Variants in WWOX observed in about 807,000 individuals in gnomAD.
WWOX encodes the protein WW domain-containing oxidoreductase.
A neutral mutation model predicts 46.2 loss-of-function variants in WWOX; 69 were observed. The observed-to-expected ratio is 1.49, with a 90% CI of 1.23 to 1.82. The LOEUF is 1.82. Among genes scored for constraint, WWOX ranks in the 40% most tolerant of loss-of-function variants. The pLI is 0.00. For synonymous variants in WWOX, 359 were observed against 202.6 expected (o/e 1.77, Z -6.56); for missense variants, 919 against 542.6 (o/e 1.69, Z -6.89).
intron 8 of WWOX, among the ~76,000 whole-genome samples, chr16:78,936,249 G>C (rs763935022): frequency 2.6e-5 from 4 of 152,182 alleles, no homozygotes; most frequent in Non-Finnish European, 4.4e-5. Context: ...TATGCCCTCT[G>C]TACCTTTGAC....
At chr16:79,198,471 G>C (rs929481047) in intron 8 of WWOX, among the ~76,000 whole-genome samples, 7 of 152,150 alleles carry the variant, frequency 4.6e-5, no homozygotes, top group African/African-American at 1.4e-4. Context: ...TTTTCCCATG[G>C]GCAATTAAAG....
chr16:78,939,710 C>A (rs914130711), intron 8 of WWOX, among the ~76,000 whole-genome samples: 2 of 152,142 alleles, frequency 1.3e-5, no homozygotes, highest in African/African-American at 4.8e-5. Context: ...TTGTAGGTAC[C>A]CAAGTCTACT....
chr16:79,027,778 C>T (rs547729071), intron 8 of WWOX, among the ~76,000 whole-genome samples: 2 of 151,568 alleles, frequency 1.3e-5, no homozygotes, highest in East Asian at 3.9e-4. Flanking sequence ...ATATAGATGT[C>T]TCTTGATATA....
intron 8 of WWOX, among the ~76,000 whole-genome samples, chr16:78,638,133 C>G (rs2046618939): frequency 6.6e-6 from 1 of 152,194 alleles, no homozygotes; most frequent in South Asian, 2.1e-4. Flanking sequence ...ATATCAGGCA[C>G]TACCCTCAAC....
chr16:79,170,649 T>A (rs574405520), intron 8 of WWOX, among the ~76,000 whole-genome samples: 60 of 147,924 alleles, frequency 4.1e-4, no homozygotes, highest in African/African-American at 1.4e-3. Flanking sequence ...GAACTCACTT[T>A]CACAGTCAAG....
intron 8 of WWOX, among the ~76,000 whole-genome samples, chr16:78,733,464 C>T (rs961443990): frequency 6.6e-6 from 1 of 150,456 alleles, no homozygotes; most frequent in African/African-American, 2.4e-5. Flanking sequence ...CAAAAAATAA[C>T]TGGCTGGGCA....
At chr16:78,637,373 A>G (rs1356456386) in intron 8 of WWOX, among the ~76,000 whole-genome samples, 1 of 151,942 alleles carries the variant, frequency 6.6e-6, no homozygotes, top group African/African-American at 2.4e-5. Context: ...CCCAGGAGGC[A>G]GAGGTTGCAG....
chr16:78,373,547 T>C (rs2081745882), intron 5 of WWOX, among the ~76,000 whole-genome samples: 1 of 152,164 alleles, frequency 6.6e-6, no homozygotes, highest in African/African-American at 2.4e-5. Context: ...AGTCAACCTC[T>C]TTTTCCTATG....
intron 6 of WWOX, among the ~76,000 whole-genome samples, chr16:78,387,542 C>T (rs1308433843): frequency 1.3e-5 from 2 of 151,954 alleles, no homozygotes; most frequent in East Asian, 3.9e-4. Flanking sequence ...TGCTAGCATC[C>T]CTTTCTAACA....
intron 8 of WWOX, among the ~76,000 whole-genome samples, chr16:78,914,711 C>G (rs759423475): frequency 3.3e-5 from 5 of 151,016 alleles, no homozygotes; most frequent in African/African-American, 4.8e-5. Context: ...AACCCCGTCT[C>G]TACTAAAAAT....
intron 8 of WWOX, among the ~76,000 whole-genome samples, chr16:78,821,508 C>T (rs1285843515): frequency 6.6e-6 from 1 of 152,220 alleles, no homozygotes; most frequent in Admixed American, 6.5e-5. Context: ...GTAATCTTCA[C>T]AGTGACCAGA....
intron 8 of WWOX, among the ~76,000 whole-genome samples, chr16:79,044,148 A>C (rs1228253564): frequency 6.6e-6 from 1 of 152,228 alleles, no homozygotes; most frequent in African/African-American, 2.4e-5. Context: ...GGGAATCCCA[A>C]ACAGCAAATG....
In WWOX at chr16:78,137,901, A is replaced by G. The variant is rs1040098151; in HGVS notation, c.409+22747A>G. Among the ~76,000 whole-genome samples the G allele has an allele frequency of 5.3e-5, 8 of 150,854 alleles. 1 individual carries two copies. The highest frequency in any genetic ancestry group is 1.7e-4 in the African/African-American group (7 of 40,828). On this transcript the variant is annotated intron_variant, in intron 4 of 8. Coordinates refer to ENST00000566780, the MANE Select transcript of WWOX (RefSeq NM_016373.4). ...AGCAGGTCTTTTTCCTTATCCGTTT[A>G]GACCTAAATCTTATCCATAGTGTGT...
intron 8 of WWOX, among the ~76,000 whole-genome samples, chr16:78,989,449 C>G (rs1013197621): frequency 3.3e-5 from 5 of 152,206 alleles, no homozygotes; most frequent in East Asian, 1.9e-4. Flanking sequence ...GGCATCCTGC[C>G]CATGCTGGCT....
intron 5 of WWOX, among the ~76,000 whole-genome samples, chr16:78,301,669 C>T (rs1597457710): frequency 1.3e-5 from 2 of 152,130 alleles, no homozygotes; most frequent in South Asian, 4.1e-4. Context: ...ACAAACCCTC[C>T]AAGACCTCAG....
chr16:78,820,892 A>G (rs1160042120), intron 8 of WWOX, among the ~76,000 whole-genome samples: 6 of 152,070 alleles, frequency 3.9e-5, no homozygotes, highest in Non-Finnish European at 7.4e-5. Context: ...TGGAAACACC[A>G]CATTCTAATC....
At chr16:78,611,092 G>T (rs1210950133) in intron 8 of WWOX, among the ~76,000 whole-genome samples, 2 of 152,200 alleles carry the variant, frequency 1.3e-5, no homozygotes, top group Admixed American at 6.5e-5. Context: ...ATCCCAGTGT[G>T]TGTGGTCACC....
At chr16:78,631,729 T>C (rs2046437062) in intron 8 of WWOX, among the ~76,000 whole-genome samples, 1 of 152,080 alleles carries the variant, frequency 6.6e-6, no homozygotes, top group South Asian at 2.1e-4. Flanking sequence ...TTTCAACATG[T>C]TGCCAAGGCT....
intron 6 of WWOX, among the ~76,000 whole-genome samples, chr16:78,396,978 T>G (rs9938424): frequency 0.16 from 24,015 of 152,164 alleles, 2,422 homozygotes; most frequent in East Asian, 0.44. Flanking sequence ...ATGAAATTCA[T>G]TTTACTAGCA....
Sources: gnomAD v4.1 joint callset for allele counts (sites outside exome capture counted in the v4.1 genomes callset) on GRCh38, gnomAD v4.1.1 for gene constraint, MANE v1.5 for transcripts, NCBI Gene and HGNC (gene_info 2026-07-23, HGNC 2026-07-21) for gene names.